The following SAMMSON variants were observed in gnomAD, a reference collection of about 807,000 sequenced individuals.
SAMMSON encodes survival associated mitochondrial melanoma specific oncogenic non-coding RNA.
intron 2 of SAMMSON, among the ~76,000 whole-genome samples, chr3:70,408,880 G>A (rs1472046419): frequency 6.6e-6 from 1 of 152,120 alleles, no homozygotes; most frequent in Admixed American, 6.6e-5. Context: ...AGGAAGAAAA[G>A]GTGGTTTAAT....
intron 4 of SAMMSON, among the ~76,000 whole-genome samples, chr3:70,118,978 G>A (rs572250703): frequency 1.3e-5 from 2 of 152,106 alleles, no homozygotes; most frequent in Non-Finnish European, 2.9e-5. Context: ...AACTTTATCT[G>A]TTCTGCTTTT....
At chr3:70,176,680 C>G (rs1391747216) in intron 4 of SAMMSON, among the ~76,000 whole-genome samples, 1 of 152,118 alleles carries the variant, frequency 6.6e-6, no homozygotes, top group Non-Finnish European at 1.5e-5. Context: ...GAAAACTACT[C>G]TAATACACCT....
intron 9 of SAMMSON, among the ~76,000 whole-genome samples, chr3:70,366,606 G>T (rs1302940604): frequency 6.7e-6 from 1 of 149,890 alleles, no homozygotes; most frequent in Non-Finnish European, 1.5e-5. Flanking sequence ...CATCTTGGTG[G>T]TTACCATGTT....
chr3:70,282,600 T>C (rs1702099423), intron 6 of SAMMSON, among the ~76,000 whole-genome samples: 1 of 152,174 alleles, frequency 6.6e-6, no homozygotes. Flanking sequence ...TGCTATTTTC[T>C]ATGCTGGAAA....
At chr3:70,248,994 A>G (rs924229372) in intron 4 of SAMMSON, 1 of 152,178 alleles carries the variant, frequency 6.6e-6, no homozygotes, top group African/African-American at 2.4e-5. Context: ...CCATTCGGCT[A>G]AAGAATTGGA....
chr3:70,122,366 A>G (rs988735452), intron 4 of SAMMSON, among the ~76,000 whole-genome samples: 2 of 151,920 alleles, frequency 1.3e-5, no homozygotes, highest in Non-Finnish European at 1.5e-5. Flanking sequence ...TAATTATTAT[A>G]TATTTTCTTT....
chr3:70,123,960 G>A (rs989722159), intron 4 of SAMMSON, among the ~76,000 whole-genome samples: 4 of 152,258 alleles, frequency 2.6e-5, no homozygotes, highest in Non-Finnish European at 4.4e-5. Flanking sequence ...AATGCAGGGA[G>A]TGAGAGCCAT....
downstream of SAMMSON, among the ~76,000 whole-genome samples, chr3:70,392,089 A>AT (rs1481144464): frequency 6.6e-6 from 1 of 152,144 alleles, no homozygotes; most frequent in African/African-American, 2.4e-5. Context: ...CTAATTGGAA[A>AT]TTGATATAAT....
At chr3:70,397,299 C>T (rs1701100208) in intron 2 of SAMMSON, among the ~76,000 whole-genome samples, 1 of 152,044 alleles carries the variant, frequency 6.6e-6, no homozygotes, top group African/African-American at 2.4e-5. Flanking sequence ...ATAGGTTCCT[C>T]AATCTTCTTC....
intron 4 of SAMMSON, among the ~76,000 whole-genome samples, chr3:70,228,621 A>C (rs1575602005): frequency 6.7e-6 from 1 of 150,108 alleles, no homozygotes; most frequent in African/African-American, 2.4e-5. Context: ...GAAACATTTA[A>C]GTTTTCTTAC....
intron 4 of SAMMSON, among the ~76,000 whole-genome samples, chr3:70,170,314 T>C (rs1029159391): frequency 1.3e-5 from 2 of 151,814 alleles, no homozygotes; most frequent in Non-Finnish European, 2.9e-5. Context: ...AAGATGAATA[T>C]AGCTTTACAG....
chr3:70,007,271 A>C (rs1163356606), intron 1 of SAMMSON, among the ~76,000 whole-genome samples: 5 of 152,156 alleles, frequency 3.3e-5, no homozygotes, highest in South Asian at 2.1e-4. Flanking sequence ...ACAACAGTGT[A>C]AAAGTGTTCC....
chr3:70,013,285 TA>T (rs1009071962), intron 2 of SAMMSON, among the ~76,000 whole-genome samples: 4 of 152,052 alleles, frequency 2.6e-5, no homozygotes, highest in African/African-American at 9.7e-5. Context: ...TTTCTTTTTT[TA>T]AAAAAATATG....
chr3:70,382,451 T>C (rs779821049), intron 9 of SAMMSON, among the ~76,000 whole-genome samples: 3 of 152,126 alleles, frequency 2.0e-5, no homozygotes, highest in Admixed American at 6.6e-5. Flanking sequence ...TCTGGAGATA[T>C]TTCTGGTTGC....
At chr3:70,132,502 C>T (rs1232575248) in intron 4 of SAMMSON, among the ~76,000 whole-genome samples, 11 of 152,126 alleles carry the variant, frequency 7.2e-5, no homozygotes, top group Admixed American at 7.2e-4. Flanking sequence ...TTGGCAACCC[C>T]TATCAACATA....
chr3:70,226,259 C>A (rs1454761568), intron 4 of SAMMSON, among the ~76,000 whole-genome samples: 3 of 152,136 alleles, frequency 2.0e-5, no homozygotes, highest in Non-Finnish European at 4.4e-5. Flanking sequence ...TAAGACCTGG[C>A]CTCTGCTTTC....
intron 4 of SAMMSON, among the ~76,000 whole-genome samples, chr3:70,186,368 C>T (rs986449567): frequency 6.6e-6 from 1 of 151,996 alleles, no homozygotes; most frequent in African/African-American, 2.4e-5. Context: ...AAGGATCTTC[C>T]CAGCTCAGCC....
intron 4 of SAMMSON, among the ~76,000 whole-genome samples, chr3:70,131,597 T>TA (rs887300812): frequency 2.2e-4 from 33 of 151,362 alleles, no homozygotes; most frequent in Admixed American, 2.0e-4. Context: ...AATTTGCAAT[T>TA]AAAAAAAAAT....
At chr3:70,124,777 T>A (rs1332880525) in intron 4 of SAMMSON, among the ~76,000 whole-genome samples, 1 of 121,124 alleles carries the variant, frequency 8.3e-6, no homozygotes, top group East Asian at 2.6e-4. Context: ...ATCGTGCCAG[T>A]GCACTCCAGC....
Sources: allele counts gnomAD v4.1 joint callset (sites outside exome capture counted in the v4.1 genomes callset), GRCh38; gene constraint gnomAD v4.1.1; transcripts MANE v1.5; gene names NCBI Gene and HGNC (gene_info 2026-07-23, HGNC 2026-07-21).